FBXO41: variants seen among roughly 807,000 people sequenced by gnomAD.
FBXO41 encodes the protein F-box only protein 41.
In FBXO41, 33 loss-of-function variants were observed where a neutral mutation model predicts 81.6. The observed-to-expected ratio is 0.40, with a 90% CI of 0.31 to 0.54. FBXO41 has a LOEUF of 0.54. FBXO41 is among the 20% of genes least tolerant of loss of function. The pLI, the probability that FBXO41 is intolerant of heterozygous loss-of-function variation, is 0.39. For synonymous variants in FBXO41, 576 were observed against 552.7 expected (o/e 1.04, Z -0.59); for missense variants, 1,107 against 1,236.0 (o/e 0.90, Z 1.56).
At position 73,266,361 on chromosome 2, in the gene FBXO41, A is replaced by C; in HGVS notation, c.1131+96T>G. On this transcript the variant is annotated intron_variant, in intron 3 of 12. Transcript: ENST00000520530. This position sits in a 1 kb window ranked among gnomAD's most constrained non-coding sequence, Gnocchi z 5.3. Reference sequence around the variant, plus strand: ...GGGGTAAAAGCCAAAGAAGGGGCGAATGCGGCATCATGGGGGAGATGTCCA... The same window carrying C: ...GGGGTAAAAGCCAAAGAAGGGGCGACTGCGGCATCATGGGGGAGATGTCCA... The C allele has an allele frequency of 7.4e-7, 1 of 1,357,064 alleles. No individual in the cohort carries two copies. The highest frequency in any genetic ancestry group is 9.8e-7 in the Non-Finnish European group (1 of 1,019,282). The allele number at this position is 1,357,064 out of a possible 1,614,324, so 84.1% of individuals were successfully genotyped here.
In FBXO41 at chr2:73,261,540, C is replaced by T. The variant is rs139742537; in HGVS notation, c.2172-682G>A. ...ACTGAGCTAGGCCCTGGGGGTACAGCGGTGACAACATAGACATGGTCTCTA... is the reference window on the plus strand; with the variant it reads ...ACTGAGCTAGGCCCTGGGGGTACAGTGGTGACAACATAGACATGGTCTCTA... On this transcript the variant is annotated intron_variant, in intron 9 of 12. Transcript: ENST00000520530. 7.6e-4 allele frequency among the ~76,000 whole-genome samples: 116 copies of T among 152,284 alleles called. 1 individual carries two copies. The highest frequency in any genetic ancestry group is 2.6e-3 in the African/African-American group (108 of 41,546).
At chr2:73,268,671 G>A in intron 2 of FBXO41, 55 bp downstream of exon 2, 6 of 1,440,788 alleles carry the variant, frequency 4.2e-6, no homozygotes, top group Non-Finnish European at 5.5e-6. Context: ...TGGTGGTGGT[G>A]GCACAGTGAC....
chr2:73,276,515 C>T lies in FBXO41; in HGVS notation c.-138-6747G>A, dbSNP rs115850933. Among the ~76,000 whole-genome samples, 989 of 146,626 alleles carry T rather than the reference C, an allele frequency of 6.7e-3. 20 individuals are homozygous for T. Among genetic ancestry groups the T allele is most frequent in the African/African-American group, 0.022 (881 of 39,332 alleles). ...TGAGAAGTAAATCCAAAACATGGTT[C>T]TTTGAAAAGACCAGCAAAATAAACA... On this transcript the variant is annotated intron_variant, in intron 1 of 12. Transcript: ENST00000520530.
chr2:73,260,510 G>C lies in FBXO41; in HGVS notation c.2328C>G (p.Asp776Glu), dbSNP rs1212294716. 1 of 1,601,004 alleles carries C rather than the reference G, an allele frequency of 6.2e-7. No individual in the cohort carries two copies. Among genetic ancestry groups the C allele is most frequent in the South Asian group, 1.1e-5 (1 of 88,522 alleles). The change falls in exon 11 of 13, where the codon GAC becomes GAG. Residue 776 changes from aspartate to glutamate, a missense_variant. By Grantham distance (45) the Asp-to-Glu change is conservative. Transcript: ENST00000520530. This position sits in a 1 kb window ranked among gnomAD's most constrained non-coding sequence, Gnocchi z 5.0. ...CCTCCTGGGTGATCTCTGACACGTG[G>C]TCAAGCTCCAGGACCTGCAGCCGCA... ...NCMRLQVLEL[D>E]HVSEITQEVA...
At position 73,269,517 on chromosome 2, in the gene FBXO41, G is replaced by A; in HGVS notation, c.114C>T (p.Leu38=). The A allele has an allele frequency of 7.3e-7, 1 of 1,370,072 alleles. No homozygotes were observed. The allele number at this position is 1,370,072 out of a possible 1,614,324, so 84.9% of individuals were successfully genotyped here. A position where few individuals can be genotyped will look rare whatever the true frequency, so the allele number is the denominator to read the frequency against. The change falls in exon 2 of 13, where the codon CTC becomes CTT. Residue 38 remains leucine (L), a synonymous_variant. Transcript: ENST00000520530. This position sits in a 1 kb window ranked among gnomAD's most constrained non-coding sequence, Gnocchi z 7.0. ...TGCTGTTGGTCTTGGAGAGGATGTA[G>A]AGCGTCTCGTAGGTGTGGCTGTACT... ...HLEYSHTYET[L]YILSKTNSIC...
At position 73,266,328 on chromosome 2, in the gene FBXO41, C is replaced by T; in HGVS notation, c.1131+129G>A. 1 of 1,143,686 alleles carries T rather than the reference C, an allele frequency of 8.7e-7. No individual in the cohort carries two copies. Among genetic ancestry groups the T allele is most frequent in the Non-Finnish European group, 1.2e-6 (1 of 827,134 alleles). The allele number at this position is 1,143,686 out of a possible 1,614,324, so 70.8% of individuals were successfully genotyped here. On this transcript the variant is annotated intron_variant, in intron 3 of 12. Coordinates refer to ENST00000520530, the MANE Select transcript of FBXO41 (RefSeq NM_001371389.2). The surrounding 1 kb of genome is among the most constrained non-coding windows in gnomAD (Gnocchi z 5.3). ...AAAGGGGCTCCCCTGTTCCTGGCAT[C>T]TGCTGGTGGGGTAAAAGCCAAAGAA...
At chr2:73,264,120 G>A (rs1688132573) in intron 6 of FBXO41, 67 bp from the exon 7 acceptor site, 1 of 1,552,802 alleles carries the variant, frequency 6.4e-7, no homozygotes, top group Non-Finnish European at 8.7e-7. Context: ...AGGTGGGCCA[G>A]CCCCAGGATA....
intron 9 of FBXO41, among the ~76,000 whole-genome samples, chr2:73,262,857 T>C (rs1296990035): frequency 6.6e-6 from 1 of 152,222 alleles, no homozygotes; most frequent in Non-Finnish European, 1.5e-5. Context: ...GCGATTCTCC[T>C]GCCTTAGCCT....
rs550654882 is a variant in FBXO41 at position 73,255,519 on chromosome 2, C to T, written c.*3463G>A. ...GGAAGTTACACTCATCAGGGACTGA[C>T]AGGCTGGGACAGGTCCCATGGGTTC... On this transcript the variant is annotated 3_prime_UTR_variant, in exon 13 of 13. Transcript: ENST00000520530. 1.4e-4 allele frequency: 22 copies of T among 152,780 alleles called. No homozygotes were observed. The highest frequency in any genetic ancestry group is 3.8e-4 in the African/African-American group (16 of 41,572). The allele number at this position is 152,780 out of a possible 1,614,324, so 9.5% of individuals were successfully genotyped here.
rs934966786 is a variant in FBXO41 at position 73,266,823 on chromosome 2, C to G, written c.906-141G>C. ...TATGGTCACATGGGTTCCTGCAGAACAGGCCTAGCACACAGCCCCGCACGA... is the reference window on the plus strand; with the variant it reads ...TATGGTCACATGGGTTCCTGCAGAAGAGGCCTAGCACACAGCCCCGCACGA... On this transcript the variant is annotated intron_variant, in intron 2 of 12. Coordinates refer to ENST00000520530, the MANE Select transcript of FBXO41 (RefSeq NM_001371389.2). This position sits in a 1 kb window ranked among gnomAD's most constrained non-coding sequence, Gnocchi z 5.3. 7.5e-7 allele frequency: 1 copy of G among 1,329,308 alleles called. No individual in the cohort carries two copies. The highest frequency in any genetic ancestry group is 9.8e-7 in the Non-Finnish European group (1 of 1,025,370). 82.3% of individuals were successfully genotyped at this position (1,329,308 alleles called of 1,614,324 possible). A position where few individuals can be genotyped will look rare whatever the true frequency, so the allele number is the denominator to read the frequency against.
chr2:73,261,566 C>T (rs968488774), intron 9 of FBXO41, among the ~76,000 whole-genome samples: 6 of 152,320 alleles, frequency 3.9e-5, no homozygotes, highest in African/African-American at 1.4e-4. Flanking sequence ...ATGGTCTCTA[C>T]CCTCAAAGAG....
rs549464716 is a variant in FBXO41, at chr2:73,264,048, C to T, written c.1812G>A (p.Leu604=). The stretch of plus-strand genomic sequence containing the variant: ...GGGTGCACCACTGAGCCAGCATTGC[C>T]AGGAACTGTGGGGGAGGGGAAGGAC... ...LENARVCSKF[L]AMLAQWCTQA... Residue 604 remains leucine (L), a synonymous_variant, in exon 7 of 13, where the codon CTG becomes CTA. Coordinates refer to ENST00000520530, the MANE Select transcript of FBXO41 (RefSeq NM_001371389.2). 4 of 1,593,088 alleles carry T rather than the reference C, an allele frequency of 2.5e-6. No individual in the cohort carries two copies. In the East Asian group the frequency reaches 6.9e-5, roughly 27 times the overall value.
In FBXO41 at chr2:73,269,637, G is replaced by A; in HGVS notation, c.-7C>T. 2.5e-6 allele frequency: 3 copies of A among 1,192,934 alleles called. No homozygotes were observed. The highest frequency in any genetic ancestry group is 1.0e-6 in the Non-Finnish European group (1 of 962,762). The allele number at this position is 1,192,934 out of a possible 1,614,324, so 73.9% of individuals were successfully genotyped here. ...GCAGGTCCAGCGAGGCCATGGCCCC[G>A]CCGCCCCCGCGGCACGCGGGCTCCA... On this transcript the variant is annotated 5_prime_UTR_variant, in exon 2 of 13. Transcript: ENST00000520530. This position sits in a 1 kb window ranked among gnomAD's most constrained non-coding sequence, Gnocchi z 7.0.
At position 73,266,029 on chromosome 2, in the gene FBXO41, A is replaced by G. The variant is rs1688261203; in HGVS notation, c.1132-63T>C. On this transcript the variant is annotated intron_variant, in intron 3 of 12. Transcript: ENST00000520530. This position sits in a 1 kb window ranked among gnomAD's most constrained non-coding sequence, Gnocchi z 5.3. ...GGAGGAGGCAAGAGGATGAGCAGGA[A>G]TAGCAGGGGAAACAGGGCAAAAGAT... 6.9e-7 allele frequency: 1 copy of G among 1,444,636 alleles called. No individual in the cohort carries two copies. The highest frequency in any genetic ancestry group is 1.4e-5 in the African/African-American group (1 of 70,940). 89.5% of individuals were successfully genotyped at this position (1,444,636 alleles called of 1,614,324 possible).
In FBXO41 at chr2:73,266,046, G is replaced by T; in HGVS notation, c.1132-80C>A. 2 of 1,268,346 alleles carry T rather than the reference G, an allele frequency of 1.6e-6. No homozygotes were observed. Among genetic ancestry groups the T allele is most frequent in the Non-Finnish European group, 2.2e-6 (2 of 894,738 alleles). 78.6% of individuals were successfully genotyped at this position (1,268,346 alleles called of 1,614,324 possible). On this transcript the variant is annotated intron_variant, in intron 3 of 12. Coordinates refer to ENST00000520530, the MANE Select transcript of FBXO41 (RefSeq NM_001371389.2). The surrounding 1 kb of genome is among the most constrained non-coding windows in gnomAD (Gnocchi z 5.3). ...GAGCAGGAATAGCAGGGGAAACAGGGCAAAAGATGGAGAGGAGATGGGGGA... is the reference window on the plus strand; with the variant it reads ...GAGCAGGAATAGCAGGGGAAACAGGTCAAAAGATGGAGAGGAGATGGGGGA...
At chr2:73,278,389 T>G (rs1162153975) in intron 1 of FBXO41, among the ~76,000 whole-genome samples, 1 of 152,212 alleles carries the variant, frequency 6.6e-6, no homozygotes, top group Admixed American at 6.5e-5. Context: ...TAACTAATAG[T>G]CTCCCAAATC....
In FBXO41 at chr2:73,259,312, C is replaced by A. The variant is rs1289078960; in HGVS notation, c.2450-16G>T. On this transcript the variant is annotated splice_polypyrimidine_tract_variant and intron_variant, in intron 11 of 12. Transcript: ENST00000520530. The surrounding 1 kb of genome is among the most constrained non-coding windows in gnomAD (Gnocchi z 4.2). ...CGGCAGATGCCTGAGAAAAGGTGAGCAAAGTAGGGGCGTGTTTGGCCTGGG... is the reference window on the plus strand; with the variant it reads ...CGGCAGATGCCTGAGAAAAGGTGAGAAAAGTAGGGGCGTGTTTGGCCTGGG... 1 of 1,609,756 alleles carries A rather than the reference C, an allele frequency of 6.2e-7. No individual in the cohort carries two copies. Among genetic ancestry groups the A allele is most frequent in the Middle Eastern group, 1.7e-4 (1 of 6,052 alleles).
intron 5 of FBXO41, 115 bp from the exon 6 acceptor site, chr2:73,264,634 C>G: frequency 1.4e-6 from 2 of 1,474,702 alleles, no homozygotes; most frequent in Non-Finnish European, 1.8e-6. Context: ...GCTGTGGTAC[C>G]AGGGCCTAGG....
At chr2:73,279,103 A>G (rs1688778204) in intron 1 of FBXO41, among the ~76,000 whole-genome samples, 1 of 152,196 alleles carries the variant, frequency 6.6e-6, no homozygotes, top group African/African-American at 2.4e-5. Context: ...AGAAGGATGG[A>G]TATGGGAGCA....
Sources: allele counts gnomAD v4.1 joint callset (sites outside exome capture counted in the v4.1 genomes callset), GRCh38; gene constraint gnomAD v4.1.1; non-coding constraint Gnocchi (gnomAD v3.1); transcripts MANE v1.5; gene names NCBI Gene and HGNC (gene_info 2026-07-23, HGNC 2026-07-21).